The following C10orf67 variants were observed in gnomAD, a reference collection of about 807,000 sequenced individuals.
C10orf67 encodes chromosome 10 open reading frame 67, also known as uncharacterized protein C10orf67, mitochondrial.
C10orf67 carries 60 observed loss-of-function variants against 35.6 expected under a neutral mutation model. The observed-to-expected ratio is 1.68, with a 90% confidence interval of 1.37 to 2.09. The LOEUF (loss-of-function observed/expected upper bound fraction) is 2.09, where lower values mean the gene tolerates loss of function less well. Ranked by LOEUF, C10orf67 falls within the 30% of genes most tolerant of loss-of-function variation. The probability of loss-of-function intolerance (pLI) is 0.00; values close to 1 mark genes in which losing one functional copy is unlikely to be tolerated. For synonymous variants in C10orf67, 167 were observed against 115.8 expected, an observed-to-expected ratio of 1.44 and a Z score of -2.84; for missense variants, 474 against 330.2, an observed-to-expected ratio of 1.44 and a Z score of -3.38.
chr10:23,274,343 A>C (rs903130420), intron 8 of C10orf67, among the ~76,000 whole-genome samples: 1 of 152,168 alleles, frequency 6.6e-6, no homozygotes, highest in African/African-American at 2.4e-5. Flanking sequence ...AATCCTAGTA[A>C]GCCTGAGGGC....
chr10:23,323,363 A>G (rs901193566), intron 2 of C10orf67, among the ~76,000 whole-genome samples: 7 of 152,142 alleles, frequency 4.6e-5, no homozygotes, highest in African/African-American at 1.7e-4. Context: ...CCCACCTGTA[A>G]TCCCAAAACT....
chr10:23,297,420 C>T (rs1018075167), intron 5 of C10orf67, among the ~76,000 whole-genome samples: 1 of 152,168 alleles, frequency 6.6e-6, no homozygotes. Flanking sequence ...GCATGGAGGA[C>T]TAGGTAAGCA....
chr10:23,207,976 AT>A (rs1841202548), intron 15 of C10orf67, among the ~76,000 whole-genome samples: 1 of 152,146 alleles, frequency 6.6e-6, no homozygotes, highest in Non-Finnish European at 1.5e-5. Context: ...GCCCAACTCT[AT>A]TCCCCACCCC....
chr10:23,328,091 T>C (rs1845269200), intron 2 of C10orf67, among the ~76,000 whole-genome samples: 1 of 152,172 alleles, frequency 6.6e-6, no homozygotes, highest in Non-Finnish European at 1.5e-5. Context: ...ATAAAAATAC[T>C]ATATTTCAAA....
intron 1 of C10orf67, among the ~76,000 whole-genome samples, chr10:23,341,762 C>A (rs1448098409): frequency 6.6e-6 from 1 of 152,158 alleles, no homozygotes; most frequent in African/African-American, 2.4e-5. Flanking sequence ...CCAGTGTTCT[C>A]TCTGCCTGGA....
intron 10 of C10orf67, among the ~76,000 whole-genome samples, chr10:23,254,676 A>T (rs1842552689): frequency 6.6e-6 from 1 of 152,204 alleles, no homozygotes; most frequent in Non-Finnish European, 1.5e-5. Flanking sequence ...TATTTTTAAA[A>T]ATTTAACAAA....
At chr10:23,215,771 G>A (rs1452484030) in intron 15 of C10orf67, among the ~76,000 whole-genome samples, 1 of 151,942 alleles carries the variant, frequency 6.6e-6, no homozygotes, top group Non-Finnish European at 1.5e-5. Context: ...CAACACAAAA[G>A]TTAAGAAATA....
chr10:23,222,634 T>G (rs1253144549), intron 15 of C10orf67, among the ~76,000 whole-genome samples: 1 of 152,190 alleles, frequency 6.6e-6, no homozygotes, highest in African/African-American at 2.4e-5. Flanking sequence ...AATCTGCACA[T>G]GTACCCCTGG....
chr10:23,233,226 T>C (rs775173118), intron 13 of C10orf67, among the ~76,000 whole-genome samples: 1 of 152,212 alleles, frequency 6.6e-6, no homozygotes, highest in Non-Finnish European at 1.5e-5. Flanking sequence ...GAGAGGCTCA[T>C]TTTATTCAAG....
At chr10:23,326,495 A>C (rs761308752) in intron 2 of C10orf67, among the ~76,000 whole-genome samples, 1 of 152,142 alleles carries the variant, frequency 6.6e-6, no homozygotes, top group African/African-American at 2.4e-5. Context: ...TAGCTAAATA[A>C]AGTTTTTTAG....
intron 10 of C10orf67, among the ~76,000 whole-genome samples, chr10:23,257,309 A>G (rs1313030302): frequency 1.3e-5 from 2 of 152,184 alleles, no homozygotes; most frequent in Non-Finnish European, 2.9e-5. Flanking sequence ...GATTAGAACC[A>G]CAGAGAATCT....
At position 23,328,993 on chromosome 10, in the gene C10orf67, C is replaced by CAAAAAAAAAA. The variant is rs57772405; in HGVS notation, c.327+4059_327+4068dup. ...GAGTGGACCCTGTCTCATAAACGAA[C>CAAAAAAAAAA]AAAAAAAAAAAAAAAAAAAAGAAAG... On this transcript the variant is annotated intron_variant, in intron 2 of 15. Coordinates refer to ENST00000636213, the MANE Select transcript of C10orf67 (RefSeq NM_001371909.1). Among the ~76,000 whole-genome samples, 341 of 78,682 alleles carry CAAAAAAAAAA rather than the reference C, an allele frequency of 4.3e-3. 2 individuals are homozygous for CAAAAAAAAAA. The highest frequency in any genetic ancestry group is 8.2e-3 in the Middle Eastern group (1 of 122). 51.6% of individuals were successfully genotyped at this position (78,682 alleles called of 152,430 possible). A position where few individuals can be genotyped will look rare whatever the true frequency, so the allele number is the denominator to read the frequency against.
chr10:23,221,716 TAA>T (rs1841585914), intron 15 of C10orf67, among the ~76,000 whole-genome samples: 1 of 152,228 alleles, frequency 6.6e-6, no homozygotes, highest in East Asian at 1.9e-4. Context: ...TCGTGCTTTC[TAA>T]AGAGAAGATT....
At position 23,252,972 on chromosome 10, in the gene C10orf67, G is replaced by A. The variant is rs142700440; in HGVS notation, c.1201-2281C>T. Among the ~76,000 whole-genome samples, 247 of 151,994 alleles carry A rather than the reference G, an allele frequency of 1.6e-3. 3 individuals carry two copies. The highest frequency in any genetic ancestry group is 5.4e-3 in the African/African-American group (224 of 41,296). On this transcript the variant is annotated intron_variant, in intron 10 of 15. Coordinates refer to ENST00000636213, the MANE Select transcript of C10orf67 (RefSeq NM_001371909.1). ...TTTCCCATGTTGTTCTCAAGATAGC[G>A]AATGGGTCTCACAAGATCTGATGGT...
intron 15 of C10orf67, among the ~76,000 whole-genome samples, chr10:23,210,158 G>A (rs567490512): frequency 6.6e-6 from 1 of 152,256 alleles, no homozygotes; most frequent in African/African-American, 2.4e-5. Flanking sequence ...GAAGCCAGGA[G>A]GAAAGTGGAG....
intron 8 of C10orf67, among the ~76,000 whole-genome samples, chr10:23,277,211 C>G (rs1462594969): frequency 1.1e-4 from 16 of 152,084 alleles, no homozygotes; most frequent in African/African-American, 3.9e-4. Context: ...ACAGAAGCAT[C>G]TACGAGAATT....
At chr10:23,207,757 A>G (rs757535357) in intron 15 of C10orf67, among the ~76,000 whole-genome samples, 45 of 152,178 alleles carry the variant, frequency 3.0e-4, no homozygotes, top group Non-Finnish European at 5.6e-4. Context: ...TGAAGTGATA[A>G]TCTGTATCTA....
At chr10:23,218,700 T>C (rs1339708242) in intron 15 of C10orf67, among the ~76,000 whole-genome samples, 6 of 152,198 alleles carry the variant, frequency 3.9e-5, no homozygotes, top group Non-Finnish European at 8.8e-5. Context: ...GACCCCGTAA[T>C]ACATTATATT....
At chr10:23,295,694 A>C (rs1430705283) in intron 5 of C10orf67, among the ~76,000 whole-genome samples, 2 of 152,220 alleles carry the variant, frequency 1.3e-5, no homozygotes, top group South Asian at 2.1e-4. Flanking sequence ...GCAGGATTAA[A>C]AGCAAACTAT....
Sources: gnomAD v4.1 joint callset for allele counts (sites outside exome capture counted in the v4.1 genomes callset) on GRCh38, gnomAD v4.1.1 for gene constraint, MANE v1.5 for transcripts, NCBI Gene and HGNC (gene_info 2026-07-23, HGNC 2026-07-21) for gene names.